Variants in ZFPM2 observed in about 807,000 individuals in gnomAD.
ZFPM2 encodes zinc finger protein ZFPM2.
In ZFPM2, 20 loss-of-function variants were observed where a neutral mutation model predicts 98.6. The observed-to-expected ratio is 0.20, with a 90% confidence interval of 0.14 to 0.29. The LOEUF (loss-of-function observed/expected upper bound fraction) is 0.29, where lower values mean the gene tolerates loss of function less well. ZFPM2 is among the 10% of genes least tolerant of loss of function. ZFPM2 has a pLI of 1.00. For synonymous variants in ZFPM2, 518 were observed against 502.7 expected (o/e 1.03, Z -0.41); for missense variants, 1,310 against 1,388.6 (o/e 0.94, Z 0.90).
intron 3 of ZFPM2, among the ~76,000 whole-genome samples, chr8:105,500,034 G>A (rs536225389): frequency 3.7e-4 from 56 of 152,242 alleles, no homozygotes; most frequent in Admixed American, 1.2e-3. Context: ...ACTTGTCTCC[G>A]TTATTGCAGA....
chr8:105,570,429 A>C (rs1156350318), intron 4 of ZFPM2, among the ~76,000 whole-genome samples: 1 of 152,124 alleles, frequency 6.6e-6, no homozygotes, highest in East Asian at 1.9e-4. Flanking sequence ...AAAGGAAGAA[A>C]TTAAACACCG....
intron 4 of ZFPM2, among the ~76,000 whole-genome samples, chr8:105,590,322 T>C (rs1375214488): frequency 6.6e-6 from 1 of 152,230 alleles, no homozygotes; most frequent in Admixed American, 6.5e-5. Context: ...TTGTCGTTAC[T>C]TCTGTTGCAG....
chr8:105,746,001 G>A (rs769305155), intron 5 of ZFPM2, among the ~76,000 whole-genome samples: 5 of 151,906 alleles, frequency 3.3e-5, no homozygotes, highest in Non-Finnish European at 5.9e-5. Context: ...CAAACTCCTG[G>A]CCTCAATTGA....
At chr8:105,645,838 G>A (rs1216130825) in intron 5 of ZFPM2, among the ~76,000 whole-genome samples, 1 of 152,058 alleles carries the variant, frequency 6.6e-6, no homozygotes, top group Non-Finnish European at 1.5e-5. Flanking sequence ...CGGATCATAA[G>A]GTCAAGAGAT....
At chr8:105,542,200 C>T (rs1376320479) in intron 3 of ZFPM2, among the ~76,000 whole-genome samples, 6 of 152,010 alleles carry the variant, frequency 3.9e-5, no homozygotes, top group East Asian at 3.9e-4. Context: ...TCTACAAATA[C>T]GCAATACATA....
Position 105,639,914 on chromosome 8 carries a change from G to A in ZFPM2, c.532+5557G>A, listed in dbSNP as rs551006117. On this transcript the variant is annotated intron_variant, in intron 5 of 7. Coordinates refer to ENST00000407775, the MANE Select transcript of ZFPM2 (RefSeq NM_012082.4). ...GCATATCATTGGATTTTTTTCTTGG[G>A]CACGTGATACTTTTATTTTAGTGAA... 2.3e-4 allele frequency among the ~76,000 whole-genome samples: 35 copies of A among 151,926 alleles called. 1 individual carries two copies. The South Asian group carries it at 5.0e-3, about 22-fold the overall frequency.
intron 5 of ZFPM2, among the ~76,000 whole-genome samples, chr8:105,674,539 C>T (rs895741765): frequency 2.0e-5 from 3 of 152,126 alleles, no homozygotes; most frequent in Non-Finnish European, 4.4e-5. Flanking sequence ...GTTCATTTCT[C>T]CTCATTGCCT....
At chr8:105,711,611 A>G (rs886852634) in intron 5 of ZFPM2, among the ~76,000 whole-genome samples, 9 of 152,216 alleles carry the variant, frequency 5.9e-5, no homozygotes, top group African/African-American at 2.2e-4. Flanking sequence ...TGCATACTAT[A>G]TATACCACTG....
intron 3 of ZFPM2, among the ~76,000 whole-genome samples, chr8:105,452,041 A>T (rs1468701871): frequency 3.3e-5 from 5 of 152,290 alleles, no homozygotes; most frequent in African/African-American, 1.2e-4. Flanking sequence ...ATCTTAAAAA[A>T]TGTTAAAGAA....
At chr8:105,610,390 G>A (rs1000906331) in intron 4 of ZFPM2, among the ~76,000 whole-genome samples, 2 of 152,130 alleles carry the variant, frequency 1.3e-5, no homozygotes, top group African/African-American at 4.8e-5. Context: ...TACTGATATT[G>A]GAACTGTGGT....
intron 5 of ZFPM2, among the ~76,000 whole-genome samples, chr8:105,719,133 A>G (rs1305069914): frequency 6.6e-6 from 1 of 151,932 alleles, no homozygotes; most frequent in Non-Finnish European, 1.5e-5. Flanking sequence ...ATTGTGAAAC[A>G]TTCTAACAAC....
chr8:105,751,981 C>T (rs1812488177), intron 5 of ZFPM2, among the ~76,000 whole-genome samples: 1 of 152,014 alleles, frequency 6.6e-6, no homozygotes. Context: ...TTCGTTATTG[C>T]ATTGTGTCGT....
chr8:105,380,613 A>AT (rs1810830482), intron 1 of ZFPM2, among the ~76,000 whole-genome samples: 1 of 69,076 alleles, frequency 1.4e-5, no homozygotes, highest in African/African-American at 6.2e-5. Context: ...ATATATATAT[A>AT]TATTATATAT....
chr8:105,783,791 A>G (rs915841700), intron 5 of ZFPM2, among the ~76,000 whole-genome samples: 2 of 152,088 alleles, frequency 1.3e-5, no homozygotes, highest in African/African-American at 2.4e-5. Flanking sequence ...CTATCAATGG[A>G]TACTTCCATG....
intron 4 of ZFPM2, among the ~76,000 whole-genome samples, chr8:105,596,206 A>G (rs748948168): frequency 1.3e-5 from 2 of 152,144 alleles, no homozygotes; most frequent in South Asian, 2.1e-4. Context: ...TGATCTCTTC[A>G]TGTCTGGTCC....
At chr8:105,794,592 AC>A (rs1367159513) in intron 6 of ZFPM2, among the ~76,000 whole-genome samples, 1 of 152,184 alleles carries the variant, frequency 6.6e-6, no homozygotes, top group African/African-American at 2.4e-5. Flanking sequence ...TGCTGGGAGA[AC>A]CACTGCTCTC....
intron 1 of ZFPM2, 24 bp downstream of exon 1, chr8:105,319,005 A>G (rs1343905098): frequency 3.3e-6 from 5 of 1,492,974 alleles, no homozygotes; most frequent in East Asian, 2.8e-5. Context: ...CGGGGCCGGG[A>G]GTTGGTGGGA....
At chr8:105,689,545 A>G (rs545432766) in intron 5 of ZFPM2, among the ~76,000 whole-genome samples, 2 of 152,168 alleles carry the variant, frequency 1.3e-5, no homozygotes, top group Non-Finnish European at 2.9e-5. Context: ...AGATGCTCAT[A>G]GAAAAACTTT....
At chr8:105,604,027 C>T (rs757536788) in intron 4 of ZFPM2, among the ~76,000 whole-genome samples, 3 of 151,978 alleles carry the variant, frequency 2.0e-5, no homozygotes, top group East Asian at 1.9e-4. Context: ...TTTAAATCCC[C>T]GCCCGAATCT....
Sources: gnomAD v4.1 joint callset for allele counts (sites outside exome capture counted in the v4.1 genomes callset) on GRCh38, gnomAD v4.1.1 for gene constraint, MANE v1.5 for transcripts, NCBI Gene and HGNC (gene_info 2026-07-23, HGNC 2026-07-21) for gene names.